Variants in CRMP1 observed in about 807,000 individuals in gnomAD.
CRMP1 encodes the protein dihydropyrimidinase-related protein 1.
In CRMP1, 19 loss-of-function variants were observed where a neutral mutation model predicts 68.3. That is an observed-to-expected ratio of 0.28 (90% CI 0.19 to 0.41). CRMP1 has a LOEUF of 0.41. CRMP1 is among the 10% of genes least tolerant of loss of function. The probability of loss-of-function intolerance (pLI) is 1.00; values close to 1 mark genes in which losing one functional copy is unlikely to be tolerated. For synonymous variants in CRMP1, 439 were observed against 399.6 expected (o/e 1.10, Z -1.18); for missense variants, 791 against 967.4 (o/e 0.82, Z 2.42).
rs1278205552 is a variant in CRMP1 at position 5,890,898 on chromosome 4, G to A, written c.381+1691C>T. 1.3e-5 allele frequency among the ~76,000 whole-genome samples: 2 copies of A among 152,096 alleles called. No homozygotes were observed. The highest frequency in any genetic ancestry group is 2.9e-5 in the Non-Finnish European group (2 of 68,022). On this transcript the variant is annotated intron_variant, in intron 1 of 13. Transcript: ENST00000324989. This position sits in a 1 kb window ranked among gnomAD's most constrained non-coding sequence, Gnocchi z 5.5. ...TAGTACTCCACCACGCTTTGAGGAA[G>A]GCCGGAAGAAGACGGCCACCCCCAT... is the stretch of plus-strand genomic sequence containing the variant.
chr4:5,868,322 G>A (rs913155843), intron 1 of CRMP1, among the ~76,000 whole-genome samples: 2 of 128,808 alleles, frequency 1.6e-5, no homozygotes, highest in African/African-American at 6.2e-5. Flanking sequence ...TTTTTTTTGA[G>A]ACGGAGTCTC....
At chr4:5,830,963 T>G (rs1334815743) in intron 11 of CRMP1, among the ~76,000 whole-genome samples, 2 of 152,176 alleles carry the variant, frequency 1.3e-5, no homozygotes, top group Non-Finnish European at 2.9e-5. Flanking sequence ...TTTTTGTTTG[T>G]TTGTTTGGTT....
chr4:5,882,238 G>C (rs1255610548), intron 1 of CRMP1, among the ~76,000 whole-genome samples: 2 of 152,200 alleles, frequency 1.3e-5, no homozygotes, highest in Non-Finnish European at 2.9e-5. Flanking sequence ...CTACATTTGA[G>C]TAGAAGTTCT....
At chr4:5,871,096 A>G (rs1560515031) in intron 1 of CRMP1, among the ~76,000 whole-genome samples, 1 of 150,840 alleles carries the variant, frequency 6.6e-6, no homozygotes, top group Non-Finnish European at 1.5e-5. Context: ...GTTCAAATCC[A>G]CTCCCTCCCC....
chr4:5,840,662 T>C (rs1378397643), intron 8 of CRMP1, among the ~76,000 whole-genome samples: 4 of 152,236 alleles, frequency 2.6e-5, no homozygotes, highest in Non-Finnish European at 5.9e-5. Context: ...TAAATTTAGA[T>C]AGCCACGTGT....
chr4:5,835,321 C>A (rs1720659615), intron 11 of CRMP1, among the ~76,000 whole-genome samples: 1 of 152,222 alleles, frequency 6.6e-6, no homozygotes, highest in Non-Finnish European at 1.5e-5. Context: ...TTCAGGGAGG[C>A]ACAGTTGTCT....
At position 5,850,337 on chromosome 4, in the gene CRMP1, G is replaced by T. The variant is rs997068340; in HGVS notation, c.883-865C>A. Among the ~76,000 whole-genome samples the T allele has an allele frequency of 6.6e-6, 1 of 152,160 alleles. No homozygotes were observed. Among genetic ancestry groups the T allele is most frequent in the African/African-American group, 2.4e-5 (1 of 41,428 alleles). ...GGCTCCAGTAGTTAGAATGAAACAG[G>T]TGAAAATCACAATTATGCCAGCACA... On this transcript the variant is annotated intron_variant, in intron 5 of 13. Coordinates refer to ENST00000324989, the MANE Select transcript of CRMP1 (RefSeq NM_001014809.3). The surrounding 1 kb of genome is among the most constrained non-coding windows in gnomAD (Gnocchi z 4.4).
chr4:5,840,422 G>A (rs1029981896), intron 8 of CRMP1, among the ~76,000 whole-genome samples: 5 of 152,152 alleles, frequency 3.3e-5, no homozygotes, highest in African/African-American at 9.7e-5. Context: ...GATGTGGCCC[G>A]AGACCCCCTG....
rs560324847 is a variant in CRMP1, at chr4:5,843,229, C to T, written c.964-68G>A. 56 of 1,543,160 alleles carry T rather than the reference C, an allele frequency of 3.6e-5. No individual in the cohort carries two copies. The East Asian group carries it at 1.2e-3, about 33-fold the overall frequency. ...GAGCTGGGAGAAGTGACTCCTCCAA[C>T]CCCCTGGTTAGACAGAGGGGGCAGC... is the stretch of plus-strand genomic sequence containing the variant. On this transcript the variant is annotated intron_variant, in intron 6 of 13. Transcript: ENST00000324989. This position sits in a 1 kb window ranked among gnomAD's most constrained non-coding sequence, Gnocchi z 4.1.
In CRMP1 at chr4:5,836,158, G is replaced by T. The variant is rs932595437; in HGVS notation, c.1453-73C>A. 3.1e-6 allele frequency: 4 copies of T among 1,298,390 alleles called. No homozygotes were observed. In the African/African-American group the frequency reaches 4.6e-5, roughly 15 times the overall value. The allele number at this position is 1,298,390 out of a possible 1,614,324, so 80.4% of individuals were successfully genotyped here. ...GGAGGAGGGGCAGCTGGGCACAAAT[G>T]GAAGACTGCCAGCTGAGGCCTTGCA... On this transcript the variant is annotated intron_variant, in intron 10 of 13. Coordinates refer to ENST00000324989, the MANE Select transcript of CRMP1 (RefSeq NM_001014809.3).
chr4:5,837,840 C>A (rs192713759), intron 9 of CRMP1, among the ~76,000 whole-genome samples: 45 of 152,148 alleles, frequency 3.0e-4, no homozygotes, highest in African/African-American at 1.1e-3. Context: ...CTCATTTATT[C>A]AACAAAATTG....
At position 5,842,640 on chromosome 4, in the gene CRMP1, ACTGT is replaced by A. The variant is rs1401720000; in HGVS notation, c.1032+449_1032+452del. On this transcript the variant is annotated intron_variant, in intron 7 of 13. Transcript: ENST00000324989. This position sits in a 1 kb window ranked among gnomAD's most constrained non-coding sequence, Gnocchi z 4.5. ...CACTCACTCACACACACACACACGC[ACTGT>A]CTCTCTCACACACACACACTAACAT... 5.3e-5 allele frequency among the ~76,000 whole-genome samples: 8 copies of A among 150,442 alleles called. No individual in the cohort carries two copies. The East Asian group carries it at 5.9e-4, about 11-fold the overall frequency.
At chr4:5,884,925 C>T (rs982799667) in intron 1 of CRMP1, among the ~76,000 whole-genome samples, 1 of 151,034 alleles carries the variant, frequency 6.6e-6, no homozygotes, top group Non-Finnish European at 1.5e-5. Context: ...ATGCTCTACT[C>T]ACTGCAGTGG....
intron 2 of CRMP1, among the ~76,000 whole-genome samples, chr4:5,863,115 C>CTTT (rs35515710): frequency 0.36 from 49,775 of 139,656 alleles, 10,813 homozygotes; most frequent in East Asian, 0.71. Context: ...TCTTTTTTTC[C>CTTT]TTTTTTTTTT....
chr4:5,859,495 C>T lies in CRMP1; in HGVS notation c.655+1531G>A, dbSNP rs1019009624. 6.6e-6 allele frequency among the ~76,000 whole-genome samples: 1 copy of T among 152,228 alleles called. No individual in the cohort carries two copies. The highest frequency in any genetic ancestry group is 2.4e-5 in the African/African-American group (1 of 41,456). ...TCTCAGAACTCTCATGTCCCATGCACTACATGAAGGAATCTCATGTACGTC... is the reference window on the plus strand; with the variant it reads ...TCTCAGAACTCTCATGTCCCATGCATTACATGAAGGAATCTCATGTACGTC... On this transcript the variant is annotated intron_variant, in intron 3 of 13. Transcript: ENST00000324989. The surrounding 1 kb of genome is among the most constrained non-coding windows in gnomAD (Gnocchi z 5.2).
At chr4:5,832,921 T>C (rs978980849) in intron 11 of CRMP1, among the ~76,000 whole-genome samples, 1 of 152,130 alleles carries the variant, frequency 6.6e-6, no homozygotes, top group Non-Finnish European at 1.5e-5. Flanking sequence ...TGAGGTCACA[T>C]TGGGGTGTGG....
chr4:5,837,650 T>TAA (rs1553903977), intron 9 of CRMP1, among the ~76,000 whole-genome samples: 7 of 134,862 alleles, frequency 5.2e-5, no homozygotes, highest in African/African-American at 1.5e-4. Flanking sequence ...TAAAATAAAA[T>TAA]AATAAAATAA....
intron 6 of CRMP1, among the ~76,000 whole-genome samples, chr4:5,847,088 C>T (rs1712277833): frequency 1.3e-5 from 2 of 152,172 alleles, no homozygotes; most frequent in South Asian, 4.1e-4. Flanking sequence ...AGTCAAGGAA[C>T]TGCCAACATT....
At chr4:5,826,002 T>G in intron 12 of CRMP1, 1 of 329,420 alleles carries the variant, frequency 3.0e-6, no homozygotes, top group Non-Finnish European at 5.6e-6. Flanking sequence ...CATACACGCG[T>G]GAACACGCAC....
Sources: gnomAD v4.1 joint callset for allele counts (sites outside exome capture counted in the v4.1 genomes callset) on GRCh38, gnomAD v4.1.1 for gene constraint, Gnocchi (gnomAD v3.1) non-coding constraint, MANE v1.5 for transcripts, NCBI Gene and HGNC (gene_info 2026-07-23, HGNC 2026-07-21) for gene names.